The following RABGAP1L variants were observed in gnomAD, a reference collection of about 807,000 sequenced individuals.
The protein encoded by RABGAP1L is rab GTPase-activating protein 1-like.
Under a neutral mutation model 137.7 loss-of-function variants are expected in RABGAP1L, and 63 were observed. That is an observed-to-expected ratio of 0.46 (90% CI 0.37 to 0.56). The LOEUF (loss-of-function observed/expected upper bound fraction) is 0.56, where lower values mean the gene tolerates loss of function less well. Among genes scored for constraint, RABGAP1L ranks in the 20% least tolerant of loss-of-function variants. The probability of loss-of-function intolerance (pLI) is 0.00; values close to 1 mark genes in which losing one functional copy is unlikely to be tolerated. For missense variants in RABGAP1L, 1,095 were observed against 1,244.0 expected (o/e 0.88, Z 1.80); for synonymous variants, 431 against 433.7 (o/e 0.99, Z 0.08).
At chr1:174,854,502 T>C (rs2148996870) in intron 19 of RABGAP1L, among the ~76,000 whole-genome samples, 1 of 152,168 alleles carries the variant, frequency 6.6e-6, no homozygotes. Context: ...AGCAAGAATA[T>C]ATTTTGGGTT....
At chr1:174,574,477 G>A (rs775526313) in intron 13 of RABGAP1L, among the ~76,000 whole-genome samples, 3 of 151,886 alleles carry the variant, frequency 2.0e-5, no homozygotes, top group Non-Finnish European at 4.4e-5. Flanking sequence ...TTTATTCTTC[G>A]ATGAAACAGA....
chr1:174,264,265 A>T (rs904473887), intron 7 of RABGAP1L, among the ~76,000 whole-genome samples: 9 of 152,018 alleles, frequency 5.9e-5, no homozygotes, highest in African/African-American at 2.2e-4. Context: ...TCATTATTCC[A>T]CTGTACTACA....
intron 13 of RABGAP1L, among the ~76,000 whole-genome samples, chr1:174,547,016 C>T (rs1476911414): frequency 3.8e-5 from 4 of 105,708 alleles, no homozygotes; most frequent in Non-Finnish European, 5.0e-5. Flanking sequence ...GGCGAAAGAG[C>T]GAGACTCTGT....
chr1:174,211,068 T>A (rs1668848161), intron 1 of RABGAP1L, among the ~76,000 whole-genome samples: 2 of 152,166 alleles, frequency 1.3e-5, no homozygotes, highest in African/African-American at 4.8e-5. Flanking sequence ...ACACCAGACC[T>A]GTCCTATAAG....
In RABGAP1L at chr1:174,448,097, T is replaced by A. The variant is rs1023168110; in HGVS notation, c.1710+53952T>A. 1 of 1,600,534 alleles carries A rather than the reference T, an allele frequency of 6.2e-7. No homozygotes were observed. Among genetic ancestry groups the A allele is most frequent in the African/African-American group, 1.3e-5 (1 of 74,758 alleles). On this transcript the variant is annotated intron_variant, in intron 13 of 25. Coordinates refer to ENST00000681986, the MANE Select transcript of RABGAP1L (RefSeq NM_001366446.1). This position sits in a 1 kb window ranked among gnomAD's most constrained non-coding sequence, Gnocchi z 4.2. ...GCTGTAGCCAAGTCTGCAGGTGTCT[T>A]TAAATTTCCAAGCCATGAATGAATC...
chr1:174,573,728 A>G (rs1668163060), intron 13 of RABGAP1L, among the ~76,000 whole-genome samples: 1 of 150,516 alleles, frequency 6.6e-6, no homozygotes, highest in Admixed American at 6.6e-5. Context: ...AACTTGTTTT[A>G]TCTTCAATTA....
chr1:174,831,336 C>A (rs1459450683), intron 19 of RABGAP1L, among the ~76,000 whole-genome samples: 1 of 148,162 alleles, frequency 6.7e-6, no homozygotes, highest in Non-Finnish European at 1.5e-5. Context: ...CCTTTAAATT[C>A]ATATATTCCA....
chr1:174,686,621 G>T lies in RABGAP1L; in HGVS notation c.1899+3025G>T, dbSNP rs78605102. On this transcript the variant is annotated intron_variant, in intron 15 of 25. Transcript: ENST00000681986. ...GAAGCTGAAGTTCAAGACATGGGTG[G>T]TGAAGCTTTGGTTTGAACAAAGCAA... 8.2e-3 allele frequency among the ~76,000 whole-genome samples: 1,239 copies of T among 150,302 alleles called. 17 individuals are homozygous for T. Among genetic ancestry groups the T allele is most frequent in the African/African-American group, 0.029 (1,187 of 41,050 alleles).
At chr1:174,483,408 C>G (rs935754919) in intron 13 of RABGAP1L, among the ~76,000 whole-genome samples, 6 of 152,162 alleles carry the variant, frequency 3.9e-5, no homozygotes, top group Admixed American at 1.3e-4. Context: ...CTGTGCCTGG[C>G]TTATTTCACT....
intron 13 of RABGAP1L, among the ~76,000 whole-genome samples, chr1:174,520,588 T>C (rs184428764): frequency 1.0e-3 from 156 of 152,356 alleles, no homozygotes; most frequent in African/African-American, 3.4e-3. Context: ...ATTCATTGTT[T>C]GAAACTCCAG....
At chr1:174,635,037 A>T (rs1201430349) in intron 13 of RABGAP1L, among the ~76,000 whole-genome samples, 1 of 151,472 alleles carries the variant, frequency 6.6e-6, no homozygotes, top group Non-Finnish European at 1.5e-5. Flanking sequence ...GTATAATAAA[A>T]AATAAAATAA....
At chr1:174,600,428 A>G (rs990478117) in intron 13 of RABGAP1L, among the ~76,000 whole-genome samples, 5 of 152,238 alleles carry the variant, frequency 3.3e-5, no homozygotes, top group African/African-American at 9.6e-5. Context: ...TCCACAGTCC[A>G]AAGTCTCATC....
chr1:174,275,618 C>A (rs1031653690), intron 8 of RABGAP1L, among the ~76,000 whole-genome samples: 1 of 152,032 alleles, frequency 6.6e-6, no homozygotes, highest in African/African-American at 2.4e-5. Flanking sequence ...GGGTACATGT[C>A]TTTAAATAGA....
chr1:174,752,743 T>C (rs916890425), intron 18 of RABGAP1L, among the ~76,000 whole-genome samples: 1 of 152,236 alleles, frequency 6.6e-6, no homozygotes. Context: ...AATTGAATTA[T>C]TAAAAAGTTT....
chr1:174,920,426 A>G (rs984757737), intron 19 of RABGAP1L, among the ~76,000 whole-genome samples: 3 of 152,210 alleles, frequency 2.0e-5, no homozygotes, highest in Non-Finnish European at 4.4e-5. Flanking sequence ...ATTCACCTCC[A>G]TAATTCAGTC....
intron 3 of RABGAP1L, among the ~76,000 whole-genome samples, chr1:174,228,215 G>C: frequency 6.6e-6 from 1 of 151,776 alleles, no homozygotes; most frequent in Non-Finnish European, 1.5e-5. Context: ...ATCAGTTTCT[G>C]TACTGTTTTA....
chr1:174,652,413 CT>C (rs1274235877), intron 14 of RABGAP1L, among the ~76,000 whole-genome samples: 4 of 152,192 alleles, frequency 2.6e-5, no homozygotes, highest in Non-Finnish European at 5.9e-5. Context: ...CCTTTTTCCG[CT>C]GGTTTTTCCT....
chr1:174,433,209 T>C (rs1652848006), intron 13 of RABGAP1L, among the ~76,000 whole-genome samples: 1 of 152,176 alleles, frequency 6.6e-6, no homozygotes, highest in Non-Finnish European at 1.5e-5. Flanking sequence ...CCCAAATCTG[T>C]CTGACTATAA....
chr1:174,691,092 T>G (rs1218810873), intron 15 of RABGAP1L, among the ~76,000 whole-genome samples: 1 of 152,052 alleles, frequency 6.6e-6, no homozygotes, highest in Non-Finnish European at 1.5e-5. Context: ...CCTCCCAAAG[T>G]GCTGGGACTG....
Sources: gnomAD v4.1 joint callset for allele counts (sites outside exome capture counted in the v4.1 genomes callset) on GRCh38, gnomAD v4.1.1 for gene constraint, Gnocchi (gnomAD v3.1) non-coding constraint, MANE v1.5 for transcripts, NCBI Gene and HGNC (gene_info 2026-07-23, HGNC 2026-07-21) for gene names.